The following KCNH5 variants were observed in gnomAD, a reference collection of about 807,000 sequenced individuals.
KCNH5 encodes potassium voltage-gated channel subfamily H member 5, also known as voltage-gated delayed rectifier potassium channel KCNH5.
Under a neutral mutation model 96.1 loss-of-function variants are expected in KCNH5, and 46 were observed. The ratio of observed to expected loss-of-function variants is 0.48; its 90% CI spans 0.38 to 0.61. KCNH5 has a LOEUF of 0.61. Ranked by LOEUF, KCNH5 falls within the 20% of genes least tolerant of loss-of-function variation. KCNH5 has a pLI of 0.00. For missense variants in KCNH5, 907 were observed against 1,225.8 expected, an observed-to-expected ratio of 0.74 and a Z score of 3.88; for synonymous variants, 439 against 449.8, an observed-to-expected ratio of 0.98 and a Z score of 0.30.
chr14:62,847,975 G>A (rs1440333118), intron 8 of KCNH5, among the ~76,000 whole-genome samples: 3 of 152,096 alleles, frequency 2.0e-5, no homozygotes, highest in Non-Finnish European at 2.9e-5. Context: ...CAATCTACTC[G>A]GCTCCATTCA....
At chr14:62,915,942 T>C (rs1313224640) in intron 7 of KCNH5, among the ~76,000 whole-genome samples, 1 of 148,316 alleles carries the variant, frequency 6.7e-6, no homozygotes, top group Non-Finnish European at 1.5e-5. Flanking sequence ...TCTTTTTTTC[T>C]TTTTTTTTCT....
At chr14:62,821,821 T>C (rs1468677982) in intron 8 of KCNH5, among the ~76,000 whole-genome samples, 1 of 152,072 alleles carries the variant, frequency 6.6e-6, no homozygotes, top group African/African-American at 2.4e-5. Flanking sequence ...AATAATTCTA[T>C]CCGTCTCAAA....
chr14:62,782,851 A>G (rs922726913), intron 9 of KCNH5, among the ~76,000 whole-genome samples: 3 of 152,212 alleles, frequency 2.0e-5, no homozygotes. Flanking sequence ...AAAAATAACC[A>G]AAGGAACACT....
At chr14:62,753,185 T>C (rs1490492874) in intron 10 of KCNH5, among the ~76,000 whole-genome samples, 1 of 152,194 alleles carries the variant, frequency 6.6e-6, no homozygotes, top group Non-Finnish European at 1.5e-5. Context: ...ACAGAAATTC[T>C]GGTGTTGAAA....
At chr14:62,867,830 A>T (rs759879604) in intron 7 of KCNH5, among the ~76,000 whole-genome samples, 3 of 152,142 alleles carry the variant, frequency 2.0e-5, no homozygotes, top group Admixed American at 6.5e-5. Context: ...TGCTCCTGAC[A>T]CATAGAACAT....
chr14:62,724,455 C>T (rs1884881107), intron 10 of KCNH5, among the ~76,000 whole-genome samples: 1 of 152,140 alleles, frequency 6.6e-6, no homozygotes, highest in Non-Finnish European at 1.5e-5. Context: ...ATTTTATACT[C>T]CTTAAATTAT....
At chr14:62,873,663 G>GAAGAAAATAATACAATTCCCT (rs1161832536) in intron 7 of KCNH5, among the ~76,000 whole-genome samples, 11 of 152,274 alleles carry the variant, frequency 7.2e-5, no homozygotes, top group East Asian at 5.8e-4. Flanking sequence ...AAGATTTATA[G>GAAGAAAATAATACAATTCCCT]AAGAAAATAA....
chr14:62,950,566 TTA>T lies in KCNH5; in HGVS notation c.943-9_943-8del. 1.3e-6 allele frequency: 2 copies of T among 1,487,722 alleles called. No homozygotes were observed. Among genetic ancestry groups the T allele is most frequent in the South Asian group, 1.3e-5 (1 of 74,112 alleles). 92.2% of individuals were successfully genotyped at this position (1,487,722 alleles called of 1,614,324 possible). A position where few individuals can be genotyped will look rare whatever the true frequency, so the allele number is the denominator to read the frequency against. On this transcript the variant is annotated splice_region_variant and splice_polypyrimidine_tract_variant and intron_variant, in intron 6 of 10. Transcript: ENST00000322893. Reference sequence around the variant, plus strand: ...TGAAGAGACTGCTGATTCCCTGGATTTAAAAAAAAAAAAAAAATTACACCACA... The same window carrying T: ...TGAAGAGACTGCTGATTCCCTGGATTAAAAAAAAAAAAAAATTACACCACA...
intron 10 of KCNH5, among the ~76,000 whole-genome samples, chr14:62,758,170 A>T (rs1885666956): frequency 6.6e-6 from 1 of 151,916 alleles, no homozygotes; most frequent in Non-Finnish European, 1.5e-5. Context: ...AGTTACAAAT[A>T]GTTAATATGA....
chr14:62,777,848 T>C (rs1317800415), intron 10 of KCNH5, among the ~76,000 whole-genome samples: 1 of 114,370 alleles, frequency 8.7e-6, no homozygotes, highest in Non-Finnish European at 1.9e-5. Flanking sequence ...AATGCATGTG[T>C]GTATGTGTAT....
At chr14:62,997,348 A>C in intron 4 of KCNH5, among the ~76,000 whole-genome samples, 1 of 152,218 alleles carries the variant, frequency 6.6e-6, no homozygotes, top group East Asian at 1.9e-4. Context: ...TATAGGCTTT[A>C]TATAGATGTT....
intron 1 of KCNH5, among the ~76,000 whole-genome samples, chr14:63,035,323 A>T (rs1443556808): frequency 6.6e-6 from 1 of 152,256 alleles, no homozygotes; most frequent in Non-Finnish European, 1.5e-5. Flanking sequence ...TCAATTAAAA[A>T]GCTGGTCCAA....
At chr14:62,793,685 T>A (rs942193802) in intron 9 of KCNH5, among the ~76,000 whole-genome samples, 4 of 151,766 alleles carry the variant, frequency 2.6e-5, no homozygotes, top group African/African-American at 9.7e-5. Context: ...AAAATTTTTT[T>A]AAGTTTTTTG....
At chr14:62,890,411 A>C (rs1187100444) in intron 7 of KCNH5, among the ~76,000 whole-genome samples, 2 of 152,106 alleles carry the variant, frequency 1.3e-5, no homozygotes, top group Admixed American at 1.3e-4. Context: ...AAAGTGGGCA[A>C]AGGGCCGGGC....
At chr14:62,749,592 G>C (rs1454945415) in intron 10 of KCNH5, among the ~76,000 whole-genome samples, 1 of 152,198 alleles carries the variant, frequency 6.6e-6, no homozygotes, top group Non-Finnish European at 1.5e-5. Flanking sequence ...CTTGTCCCAA[G>C]TTGATCACAT....
intron 6 of KCNH5, among the ~76,000 whole-genome samples, chr14:62,951,817 G>A: frequency 6.6e-6 from 1 of 151,976 alleles, no homozygotes; most frequent in East Asian, 1.9e-4. Flanking sequence ...TCAAAAATTA[G>A]CCGGGCATGG....
Position 62,889,750 on chromosome 14 carries a change from T to C in KCNH5, c.1370-39898A>G, listed in dbSNP as rs143087968. 3.5e-4 allele frequency among the ~76,000 whole-genome samples: 54 copies of C among 152,334 alleles called. 2 individuals carry two copies. In the East Asian group the frequency reaches 0.01, roughly 28 times the overall value. ...GTGCCATATTCTACACAATAACAAT[T>C]CTGTATGGTAATAAATTATCCTGCA... is the stretch of plus-strand genomic sequence containing the variant. On this transcript the variant is annotated intron_variant, in intron 7 of 10. Transcript: ENST00000322893.
intron 2 of KCNH5, among the ~76,000 whole-genome samples, chr14:63,011,549 C>T (rs1295177465): frequency 6.6e-6 from 1 of 151,958 alleles, no homozygotes; most frequent in Non-Finnish European, 1.5e-5. Flanking sequence ...AAAGACATTC[C>T]TTTATACAGA....
chr14:62,974,026 A>G (rs1481233432), intron 6 of KCNH5, among the ~76,000 whole-genome samples: 2 of 152,226 alleles, frequency 1.3e-5, no homozygotes, highest in African/African-American at 2.4e-5. Context: ...AAGTGAAATG[A>G]TGCATGTGGC....
Sources: allele counts gnomAD v4.1 joint callset (sites outside exome capture counted in the v4.1 genomes callset), GRCh38; gene constraint gnomAD v4.1.1; transcripts MANE v1.5; gene names NCBI Gene and HGNC (gene_info 2026-07-23, HGNC 2026-07-21).